CACNA2D1: variants seen among roughly 807,000 people sequenced by gnomAD.
CACNA2D1 encodes calcium voltage-gated channel auxiliary subunit alpha2delta 1, also known as voltage-dependent calcium channel subunit alpha-2/delta-1.
CACNA2D1 carries 53 observed loss-of-function variants against 171.5 expected under a neutral mutation model. The observed-to-expected ratio is 0.31, with a 90% CI of 0.25 to 0.39. The LOEUF (loss-of-function observed/expected upper bound fraction) is 0.39, where lower values mean the gene tolerates loss of function less well. Among genes scored for constraint, CACNA2D1 ranks in the 10% least tolerant of loss-of-function variants. The pLI, the probability that CACNA2D1 is intolerant of heterozygous loss-of-function variation, is 1.00. For missense variants in CACNA2D1, 903 were observed against 1,299.8 expected (o/e 0.69, Z 4.69); for synonymous variants, 442 against 443.1 (o/e 1.00, Z 0.03).
In CACNA2D1 at chr7:81,950,222, A is replaced by G; in HGVS notation, c.*170T>C. On this transcript the variant is annotated 3_prime_UTR_variant, in exon 39 of 39. Transcript: ENST00000356860. ...ACGTTTAAGGATCTGACACCCTGAC[A>G]TGCAGCCAGTGGGTGCCTTAGGAGT... 8.7e-7 allele frequency: 1 copy of G among 1,153,392 alleles called. No individual in the cohort carries two copies. The highest frequency in any genetic ancestry group is 1.2e-6 in the Non-Finnish European group (1 of 808,438). 71.4% of individuals were successfully genotyped at this position (1,153,392 alleles called of 1,614,324 possible). A position where few individuals can be genotyped will look rare whatever the true frequency, so the allele number is the denominator to read the frequency against.
At chr7:82,273,974 G>C (rs1808981005) in intron 3 of CACNA2D1, among the ~76,000 whole-genome samples, 1 of 152,080 alleles carries the variant, frequency 6.6e-6, no homozygotes. Flanking sequence ...AATAATCCCA[G>C]TCATTGTAAC....
At chr7:82,112,202 A>G (rs181979562) in intron 6 of CACNA2D1, among the ~76,000 whole-genome samples, 1 of 152,304 alleles carries the variant, frequency 6.6e-6, no homozygotes, top group East Asian at 1.9e-4. Context: ...AAATAATCAT[A>G]TATCTCTCGT....
intron 10 of CACNA2D1, among the ~76,000 whole-genome samples, chr7:82,046,686 A>C (rs1273927921): frequency 2.0e-5 from 3 of 152,132 alleles, no homozygotes. Context: ...TAAATATGGA[A>C]TAAATTCTGT....
chr7:82,376,275 A>T (rs1823006191), intron 1 of CACNA2D1, among the ~76,000 whole-genome samples: 1 of 152,192 alleles, frequency 6.6e-6, no homozygotes, highest in African/African-American at 2.4e-5. Flanking sequence ...AAATGAAACA[A>T]GATTTAATGC....
intron 38 of CACNA2D1, among the ~76,000 whole-genome samples, chr7:81,955,912 G>A (rs1380113407): frequency 1.8e-5 from 2 of 110,758 alleles, no homozygotes; most frequent in Admixed American, 9.1e-5. Flanking sequence ...TGGTGGGGGG[G>A]GGGGGGGGTG....
At chr7:82,236,669 T>C (rs1803623705) in intron 3 of CACNA2D1, among the ~76,000 whole-genome samples, 1 of 152,084 alleles carries the variant, frequency 6.6e-6, no homozygotes, top group South Asian at 2.1e-4. Flanking sequence ...CCAAAGCTAT[T>C]AAAAGCTTTT....
chr7:82,383,334 T>G (rs1015941682), intron 1 of CACNA2D1, among the ~76,000 whole-genome samples: 1 of 152,160 alleles, frequency 6.6e-6, no homozygotes, highest in Non-Finnish European at 1.5e-5. Flanking sequence ...GCGGTACCAC[T>G]GCCACTCTGA....
Position 82,014,100 on chromosome 7 carries a change from T to C in CACNA2D1, c.1222+301A>G, listed in dbSNP as rs3779454. The stretch of plus-strand genomic sequence containing the variant: ...ATTTAAGCTTTATGAAATTCAGATA[T>C]TGTTTCATTCCTAATTTTTCATTTA... On this transcript the variant is annotated intron_variant, in intron 13 of 38. Transcript: ENST00000356860. Among the ~76,000 whole-genome samples, 13 of 152,226 alleles carry C rather than the reference T, an allele frequency of 8.5e-5. No individual in the cohort carries two copies. The East Asian group carries it at 2.3e-3, about 27-fold the overall frequency.
intron 6 of CACNA2D1, among the ~76,000 whole-genome samples, chr7:82,116,239 A>G (rs1184965040): frequency 6.6e-6 from 1 of 152,186 alleles, no homozygotes; most frequent in Non-Finnish European, 1.5e-5. Context: ...ATATGACTGA[A>G]CAAATACCCT....
intron 3 of CACNA2D1, among the ~76,000 whole-genome samples, chr7:82,315,220 G>C (rs1397107278): frequency 1.3e-5 from 2 of 152,052 alleles, no homozygotes; most frequent in African/African-American, 2.4e-5. Context: ...GAGAAGTAGG[G>C]AGAAAGGAGC....
At chr7:82,001,092 A>T (rs539624053) in intron 18 of CACNA2D1, among the ~76,000 whole-genome samples, 1 of 152,234 alleles carries the variant, frequency 6.6e-6, no homozygotes, top group African/African-American at 2.4e-5. Flanking sequence ...TATTGTATAC[A>T]TGTGATAACT....
At chr7:82,239,940 TTCCATGG>T (rs1804053885) in intron 3 of CACNA2D1, among the ~76,000 whole-genome samples, 1 of 152,180 alleles carries the variant, frequency 6.6e-6, no homozygotes, top group Non-Finnish European at 1.5e-5. Context: ...AGAGTGCTCT[TTCCATGG>T]TCTATGGTAA....
At chr7:82,333,560 G>A (rs1441992519) in intron 3 of CACNA2D1, among the ~76,000 whole-genome samples, 5 of 151,688 alleles carry the variant, frequency 3.3e-5, no homozygotes, top group Admixed American at 6.6e-5. Context: ...TTACTATTAC[G>A]GGAACAGCAT....
chr7:82,166,152 C>T (rs754926564), intron 4 of CACNA2D1, among the ~76,000 whole-genome samples: 1 of 151,814 alleles, frequency 6.6e-6, no homozygotes, highest in Non-Finnish European at 1.5e-5. Context: ...TAGTTTAACT[C>T]GCATAAACAC....
chr7:82,020,465 C>T (rs967380138), intron 12 of CACNA2D1, among the ~76,000 whole-genome samples: 1 of 151,764 alleles, frequency 6.6e-6, no homozygotes, highest in Non-Finnish European at 1.5e-5. Context: ...TATGATTATT[C>T]CAGTTGTAAG....
At chr7:81,998,391 A>G (rs1307272516) in intron 18 of CACNA2D1, among the ~76,000 whole-genome samples, 1 of 152,012 alleles carries the variant, frequency 6.6e-6, no homozygotes, top group Non-Finnish European at 1.5e-5. Flanking sequence ...AGATGTTCAA[A>G]TTATCACCAT....
intron 1 of CACNA2D1, among the ~76,000 whole-genome samples, chr7:82,390,029 G>A (rs1053632022): frequency 2.0e-5 from 3 of 152,180 alleles, no homozygotes; most frequent in Admixed American, 1.3e-4. Flanking sequence ...GAGGTCTTCA[G>A]GGAATAGGAC....
chr7:82,014,361 G>A (rs1800167034), intron 13 of CACNA2D1, 40 bp downstream of exon 13: 5 of 1,090,494 alleles, frequency 4.6e-6, no homozygotes, highest in Non-Finnish European at 7.1e-6. Flanking sequence ...TACCAAAATA[G>A]TTTTTCTTCT....
intron 12 of CACNA2D1, among the ~76,000 whole-genome samples, chr7:82,018,209 G>A (rs889035720): frequency 1.3e-5 from 2 of 152,170 alleles, no homozygotes; most frequent in Non-Finnish European, 2.9e-5. Context: ...TGGGAAGCTA[G>A]TATTGAATAA....
Sources: gnomAD v4.1 joint callset for allele counts (sites outside exome capture counted in the v4.1 genomes callset) on GRCh38, gnomAD v4.1.1 for gene constraint, MANE v1.5 for transcripts, NCBI Gene and HGNC (gene_info 2026-07-23, HGNC 2026-07-21) for gene names.